The following CIB1 variants were observed in gnomAD, a reference collection of about 807,000 sequenced individuals.
CIB1 encodes calcium and integrin binding 1.
CIB1 carries 19 observed loss-of-function variants against 25.0 expected under a neutral mutation model. That is an observed-to-expected ratio of 0.76 (90% confidence interval 0.53 to 1.12). The LOEUF (loss-of-function observed/expected upper bound fraction) is 1.12. Among genes scored for constraint, CIB1 ranks in the 50% most tolerant of loss-of-function variants. The pLI is 0.00. For synonymous variants in CIB1, 104 were observed against 98.5 expected, an observed-to-expected ratio of 1.06 and a Z score of -0.33; for missense variants, 236 against 242.6, an observed-to-expected ratio of 0.97 and a Z score of 0.18.
At chr15:90,259,160 C>T in the CIB1 span, 3 of 777,228 alleles carry the variant, frequency 3.9e-6, no homozygotes, top group Non-Finnish European at 3.7e-6. Flanking sequence ...CCCTAGAGTT[C>T]AACACCAGAC....
At chr15:90,257,568 G>A in the CIB1 span, 1,686 of 1,426,858 alleles carry the variant, frequency 1.2e-3, 9 homozygotes, top group South Asian at 3.5e-3. Context: ...GGAGCAACAA[G>A]GTAATGAAGG....
chr15:90,239,955 G>A, the CIB1 span, among the ~76,000 whole-genome samples: 6 of 152,038 alleles, frequency 3.9e-5, no homozygotes, highest in South Asian at 1.2e-3. Context: ...TGGGCGCAGT[G>A]GCTCACACCT....
chr15:90,233,521 G>A (rs1962555464), intron 2 of CIB1, 148 bp downstream of exon 2: 5 of 1,031,602 alleles, frequency 4.8e-6, no homozygotes, highest in Non-Finnish European at 5.8e-6. Flanking sequence ...GCCGGGAGGA[G>A]GGCGCAGCCC....
the CIB1 span, chr15:90,265,718 G>C: frequency 1.2e-6 from 2 of 1,613,304 alleles, no homozygotes; most frequent in Non-Finnish European, 1.7e-6. Flanking sequence ...TCGACATGGC[G>C]GTTACCCTGA....
the CIB1 span, chr15:90,257,737 G>A: frequency 3.1e-6 from 5 of 1,612,022 alleles, no homozygotes; most frequent in Non-Finnish European, 4.2e-6. Flanking sequence ...TCCCTACTCT[G>A]TTTTCTCCTG....
chr15:90,241,233 C>A, the CIB1 span: 1 of 1,614,158 alleles, frequency 6.2e-7, no homozygotes, highest in Admixed American at 1.7e-5. Flanking sequence ...GAGGAGGCCC[C>A]CGCAGACCAT....
At chr15:90,250,315 A>C in the CIB1 span, among the ~76,000 whole-genome samples, 1 of 152,156 alleles carries the variant, frequency 6.6e-6, no homozygotes, top group African/African-American at 2.4e-5. Flanking sequence ...AGCCATGGTC[A>C]TGGCCCATAC....
rs911440417 is a variant in CIB1, at chr15:90,230,293, G to A, written c.*191C>T. ...ATTACTGATTAGTACAAACACAAAC[G>A]GAGCAATGACAACAGCAGTGAGGAG... On this transcript the variant is annotated 3_prime_UTR_variant, in exon 7 of 7. Coordinates refer to ENST00000328649, the MANE Select transcript of CIB1 (RefSeq NM_006384.4). 1.6e-5 allele frequency: 10 copies of A among 629,554 alleles called. No individual in the cohort carries two copies. In the Middle Eastern group the frequency reaches 1.3e-3, roughly 82 times the overall value. 39.0% of individuals were successfully genotyped at this position (629,554 alleles called of 1,614,324 possible).
At chr15:90,230,644 C>A (rs1026941052) in intron 6 of CIB1, 139 bp from the exon 7 acceptor site, 1 of 909,732 alleles carries the variant, frequency 1.1e-6, no homozygotes, top group African/African-American at 1.7e-5. Context: ...AAGAACTCCC[C>A]GAGACATCCA....
upstream of CIB1, among the ~76,000 whole-genome samples, chr15:90,235,261 T>TC (rs1173603719): frequency 6.6e-6 from 1 of 152,152 alleles, no homozygotes; most frequent in African/African-American, 2.4e-5. Context: ...ACAGGTACAT[T>TC]CCATCATTGT....
At chr15:90,230,908 A>T (rs1164780473) in intron 6 of CIB1, 26 bp downstream of exon 6, 3 of 1,596,546 alleles carry the variant, frequency 1.9e-6, no homozygotes. Context: ...GCAGGTACCC[A>T]GAATGAAGGG....
rs750619780 is a variant in CIB1, at chr15:90,233,921, C to G, written c.-36G>C. 7.1e-5 allele frequency: 103 copies of G among 1,448,174 alleles called. 1 individual carries two copies. In the South Asian group the frequency reaches 1.3e-3, roughly 19 times the overall value. The allele number at this position is 1,448,174 out of a possible 1,614,324, so 89.7% of individuals were successfully genotyped here. ...CGCGCACAGCTCCGCCAACTCGCCTCGAGACGCAGACAACTTTCTCACTTC... is the reference window on the plus strand; with the variant it reads ...CGCGCACAGCTCCGCCAACTCGCCTGGAGACGCAGACAACTTTCTCACTTC... On this transcript the variant is annotated 5_prime_UTR_variant, in exon 1 of 7. Transcript: ENST00000328649.
intron 1 of CIB1, 43 bp downstream of exon 1, chr15:90,233,792 G>A (rs1432209342): frequency 1.3e-6 from 2 of 1,551,038 alleles, no homozygotes; most frequent in Non-Finnish European, 1.7e-6. Flanking sequence ...CTCCCGAGAA[G>A]AGGCCCGCAC....
the CIB1 span, among the ~76,000 whole-genome samples, chr15:90,250,145 G>C: frequency 6.6e-6 from 1 of 151,930 alleles, no homozygotes; most frequent in African/African-American, 2.4e-5. Context: ...TTTTAGGAGA[G>C]ACGGGATTTC....
At chr15:90,239,608 A>T in the CIB1 span, among the ~76,000 whole-genome samples, 1 of 152,176 alleles carries the variant, frequency 6.6e-6, no homozygotes, top group Non-Finnish European at 1.5e-5. Context: ...GACCGCCCCC[A>T]TGATTCATTT....
chr15:90,261,251 G>A, the CIB1 span, among the ~76,000 whole-genome samples: 1 of 151,338 alleles, frequency 6.6e-6, no homozygotes, highest in African/African-American at 2.4e-5. Context: ...GATAATTTTT[G>A]TATTTTTAGT....
the CIB1 span, among the ~76,000 whole-genome samples, chr15:90,246,784 T>C: frequency 4.0e-5 from 2 of 49,958 alleles, no homozygotes; most frequent in African/African-American, 1.6e-4. Context: ...TGAGACTCTG[T>C]CTCAAAAAAA....
the CIB1 span, among the ~76,000 whole-genome samples, chr15:90,247,487 G>A: frequency 6.0e-5 from 9 of 151,040 alleles, no homozygotes; most frequent in African/African-American, 1.2e-4. Flanking sequence ...CAAGAAGTCT[G>A]TGAATCGGGC....
the CIB1 span, among the ~76,000 whole-genome samples, chr15:90,247,799 G>A: frequency 7.3e-3 from 1,104 of 150,758 alleles, 61 homozygotes; most frequent in African/African-American, 0.026. Context: ...GCAGTGGCGC[G>A]ATCTCCGTTC....
Sources: gnomAD v4.1 joint callset for allele counts (sites outside exome capture counted in the v4.1 genomes callset) on GRCh38, gnomAD v4.1.1 for gene constraint, MANE v1.5 for transcripts, NCBI Gene and HGNC (gene_info 2026-07-23, HGNC 2026-07-21) for gene names.